The following GPC6 variants were observed in gnomAD, a reference collection of about 807,000 sequenced individuals.
GPC6 encodes the protein glypican-6.
A neutral mutation model predicts 55.2 loss-of-function variants in GPC6; 14 were observed. The ratio of observed to expected loss-of-function variants is 0.25; its 90% CI spans 0.17 to 0.40. The LOEUF (loss-of-function observed/expected upper bound fraction) is 0.40. Ranked by LOEUF, GPC6 falls within the 10% of genes least tolerant of loss-of-function variation. The probability of loss-of-function intolerance (pLI) is 1.00; values close to 1 mark genes in which losing one functional copy is unlikely to be tolerated. For synonymous variants in GPC6, 278 were observed against 259.6 expected (o/e 1.07, Z -0.68); for missense variants, 641 against 708.5 (o/e 0.90, Z 1.08).
intron 1 of GPC6, among the ~76,000 whole-genome samples, chr13:93,425,329 C>T (rs1877087308): frequency 6.6e-6 from 1 of 152,030 alleles, no homozygotes; most frequent in Non-Finnish European, 1.5e-5. Context: ...TCCAAAAGCA[C>T]CTCAAATGAA....
intron 2 of GPC6, among the ~76,000 whole-genome samples, chr13:93,594,165 C>A (rs1189512442): frequency 6.7e-6 from 1 of 149,890 alleles, no homozygotes; most frequent in African/African-American, 2.5e-5. Context: ...TTTTTTTTTA[C>A]TTTTTATTTT....
chr13:93,607,658 C>T (rs963520541), intron 2 of GPC6, among the ~76,000 whole-genome samples: 1 of 152,156 alleles, frequency 6.6e-6, no homozygotes, highest in Non-Finnish European at 1.5e-5. Context: ...AGTAGGAAGA[C>T]CCCTCGGTCA....
At chr13:94,035,612 A>G (rs1288271057) in intron 4 of GPC6, among the ~76,000 whole-genome samples, 1 of 152,080 alleles carries the variant, frequency 6.6e-6, no homozygotes, top group African/African-American at 2.4e-5. Context: ...CTCCTGAGGC[A>G]TTTCGATTAC....
chr13:93,921,287 C>T (rs534377957), intron 3 of GPC6, among the ~76,000 whole-genome samples: 4 of 152,216 alleles, frequency 2.6e-5, no homozygotes, highest in Admixed American at 1.3e-4. Context: ...GAAGTGGATG[C>T]CTGTGACTCC....
Position 93,227,701 on chromosome 13 carries a change from C to G in GPC6, c.160+85C>G, listed in dbSNP as rs879673743. 9.0e-7 allele frequency: 1 copy of G among 1,115,224 alleles called. No homozygotes were observed. 69.1% of individuals were successfully genotyped at this position (1,115,224 alleles called of 1,614,324 possible). A position where few individuals can be genotyped will look rare whatever the true frequency, so the allele number is the denominator to read the frequency against. On this transcript the variant is annotated intron_variant, in intron 1 of 8. Transcript: ENST00000377047. The surrounding 1 kb of genome is among the most constrained non-coding windows in gnomAD (Gnocchi z 4.3). ...GCCGCCCGGCGTCCCCTTCCTTCCC[C>G]CTGTTGCTGAGTTGGTGCTCACTTT...
intron 5 of GPC6, among the ~76,000 whole-genome samples, chr13:94,303,612 A>C (rs1034407695): frequency 2.0e-5 from 3 of 152,174 alleles, no homozygotes; most frequent in African/African-American, 7.2e-5. Flanking sequence ...TGTTGTTTCC[A>C]AAGTAATTAG....
At chr13:94,227,688 A>G (rs1428361442) in intron 4 of GPC6, among the ~76,000 whole-genome samples, 2 of 151,876 alleles carry the variant, frequency 1.3e-5, no homozygotes, top group African/African-American at 4.8e-5. Context: ...GTAACAAACA[A>G]CCCCGAGATC....
At chr13:94,023,669 G>A (rs1197969502) in intron 3 of GPC6, among the ~76,000 whole-genome samples, 1 of 151,956 alleles carries the variant, frequency 6.6e-6, no homozygotes, top group Non-Finnish European at 1.5e-5. Context: ...ACAAAAACTT[G>A]TACATAAATC....
chr13:93,399,010 T>C (rs1379283360), intron 1 of GPC6, among the ~76,000 whole-genome samples: 2 of 152,046 alleles, frequency 1.3e-5, no homozygotes, highest in Non-Finnish European at 2.9e-5. Flanking sequence ...TCTTCAATGG[T>C]TACCGTGATC....
intron 2 of GPC6, among the ~76,000 whole-genome samples, chr13:93,776,041 C>CT (rs1566529236): frequency 8.6e-5 from 2 of 23,204 alleles, no homozygotes; most frequent in African/African-American, 1.7e-4. Flanking sequence ...TTTTTTCCGT[C>CT]TTTTTTTCTT....
intron 1 of GPC6, among the ~76,000 whole-genome samples, chr13:93,466,242 A>G (rs1878900266): frequency 6.6e-6 from 1 of 152,222 alleles, no homozygotes; most frequent in Non-Finnish European, 1.5e-5. Context: ...GTGAAGAACA[A>G]TAAAGTGAAG....
rs1566454929 is a variant in GPC6 at position 93,623,461 on chromosome 13, T to TTTCTTTC, written c.319+78042_319+78043insCTTTCTT. ...TTTTCTTTTCTTTTCTTTTCTTTTTTTTTTTTTTTTTTTTTGAGACGGAGT... is the reference window on the plus strand; with the variant it reads ...TTTTCTTTTCTTTTCTTTTCTTTTTTTTCTTTCTTTTTTTTTTTTTTTGAGACGGAGT... On this transcript the variant is annotated intron_variant, in intron 2 of 8. Transcript: ENST00000377047. 2.8e-5 allele frequency among the ~76,000 whole-genome samples: 4 copies of TTTCTTTC among 141,798 alleles called. No homozygotes were observed. In the East Asian group the frequency reaches 6.0e-4, roughly 21 times the overall value. 93.0% of individuals were successfully genotyped at this position (141,798 alleles called of 152,430 possible). A position where few individuals can be genotyped will look rare whatever the true frequency, so the allele number is the denominator to read the frequency against.
chr13:93,964,468 T>TA, intron 3 of GPC6, among the ~76,000 whole-genome samples: 1 of 152,328 alleles, frequency 6.6e-6, no homozygotes, highest in East Asian at 1.9e-4. Flanking sequence ...CAGAATCACT[T>TA]AAAGTAGCCC....
At chr13:93,410,814 A>G (rs1434055922) in intron 1 of GPC6, among the ~76,000 whole-genome samples, 2 of 152,156 alleles carry the variant, frequency 1.3e-5, no homozygotes, top group Admixed American at 6.5e-5. Context: ...TCTTTCAATG[A>G]CAAGTCTCGC....
chr13:93,830,120 A>G (rs572413043), intron 2 of GPC6, 34 bp from the exon 3 acceptor site: 3 of 1,576,648 alleles, frequency 1.9e-6, no homozygotes. Context: ...TCTAGATTTC[A>G]TTAATTTATG....
intron 1 of GPC6, among the ~76,000 whole-genome samples, chr13:93,329,610 G>C (rs1879770302): frequency 6.6e-6 from 1 of 152,178 alleles, no homozygotes; most frequent in African/African-American, 2.4e-5. Context: ...ATGGTGAACA[G>C]TGGTTTAAAG....
At chr13:94,320,046 CCTTT>C (rs1876735779) in intron 6 of GPC6, among the ~76,000 whole-genome samples, 1 of 152,122 alleles carries the variant, frequency 6.6e-6, no homozygotes, top group African/African-American at 2.4e-5. Context: ...CATCTCTTAA[CCTTT>C]CTTTCTTTCT....
intron 1 of GPC6, among the ~76,000 whole-genome samples, chr13:93,423,893 G>T (rs1373553737): frequency 6.6e-6 from 1 of 152,036 alleles, no homozygotes; most frequent in Non-Finnish European, 1.5e-5. Context: ...CAAAGCACCT[G>T]CCAGTATTTA....
rs548211461 is a variant in GPC6, at chr13:94,278,935, A to G, written c.878-7414A>G. ...GTTTCTGCCAGATTTTGGTATCAGT[A>G]TGATGCTGGCTTCATAAAATGAGTT... On this transcript the variant is annotated intron_variant, in intron 4 of 8. Coordinates refer to ENST00000377047, the MANE Select transcript of GPC6 (RefSeq NM_005708.5). 6.6e-5 allele frequency among the ~76,000 whole-genome samples: 10 copies of G among 152,326 alleles called. No individual in the cohort carries two copies. The South Asian group carries it at 1.5e-3, about 22-fold the overall frequency.
Sources: allele counts gnomAD v4.1 joint callset (sites outside exome capture counted in the v4.1 genomes callset), GRCh38; gene constraint gnomAD v4.1.1; non-coding constraint Gnocchi (gnomAD v3.1); transcripts MANE v1.5; gene names NCBI Gene and HGNC (gene_info 2026-07-23, HGNC 2026-07-21).